STK32B: variants seen among roughly 807,000 people sequenced by gnomAD.
The protein encoded by STK32B is serine/threonine-protein kinase 32B.
In STK32B, 43 loss-of-function variants were observed where a neutral mutation model predicts 52.6. The ratio of observed to expected loss-of-function variants is 0.82; its 90% CI spans 0.64 to 1.05. The LOEUF (loss-of-function observed/expected upper bound fraction) is 1.05. Ranked by LOEUF, STK32B falls within the 50% of genes least tolerant of loss-of-function variation. The probability of loss-of-function intolerance (pLI) is 0.00; values close to 1 mark genes in which losing one functional copy is unlikely to be tolerated. For synonymous variants in STK32B, 238 were observed against 204.3 expected (o/e 1.17, Z -1.41); for missense variants, 621 against 534.6 (o/e 1.16, Z -1.59).
rs1273345485 is a variant in STK32B, at chr4:5,399,546, A to G, written c.472+1302A>G. Among the ~76,000 whole-genome samples the G allele has an allele frequency of 1.3e-5, 2 of 152,170 alleles. No homozygotes were observed. The highest frequency in any genetic ancestry group is 4.8e-5 in the African/African-American group (2 of 41,446). ...ATGGAAGGTCAGCAGCAGCCCCAAG[A>G]TGCCTGGGGCATGGACAGAGCTGAG... On this transcript the variant is annotated intron_variant, in intron 5 of 11. Transcript: ENST00000282908. This position sits in a 1 kb window ranked among gnomAD's most constrained non-coding sequence, Gnocchi z 5.4.
At chr4:5,075,618 G>A (rs1431939673) in intron 1 of STK32B, among the ~76,000 whole-genome samples, 2 of 151,720 alleles carry the variant, frequency 1.3e-5, no homozygotes, top group African/African-American at 4.8e-5. Context: ...TTCAATTTTG[G>A]TGCAGCATTT....
At chr4:5,292,328 T>A (rs1407052889) in intron 3 of STK32B, among the ~76,000 whole-genome samples, 2 of 152,174 alleles carry the variant, frequency 1.3e-5, no homozygotes, top group African/African-American at 4.8e-5. Context: ...CTTTTTATAA[T>A]AGCCATTCTG....
intron 1 of STK32B, among the ~76,000 whole-genome samples, chr4:5,105,809 C>G (rs927402181): frequency 6.6e-6 from 1 of 151,824 alleles, no homozygotes. Flanking sequence ...GTGATCCACC[C>G]GCCTCGGCCA....
chr4:5,314,290 A>G (rs1047865915), intron 3 of STK32B, among the ~76,000 whole-genome samples: 2 of 152,214 alleles, frequency 1.3e-5, no homozygotes, highest in Non-Finnish European at 2.9e-5. Flanking sequence ...AATATCATGA[A>G]GGAAGGATAG....
intron 3 of STK32B, among the ~76,000 whole-genome samples, chr4:5,292,316 G>T (rs1387403580): frequency 6.6e-6 from 1 of 151,950 alleles, no homozygotes. Flanking sequence ...ATTATTTTTT[G>T]ACTTTTTATA....
chr4:5,338,223 A>G (rs1277084371), intron 4 of STK32B, among the ~76,000 whole-genome samples: 1 of 152,182 alleles, frequency 6.6e-6, no homozygotes, highest in East Asian at 1.9e-4. Flanking sequence ...TAACTTTGAT[A>G]CAAATAACAG....
rs570281745 is a variant in STK32B at position 5,059,180 on chromosome 4, G to T, written c.52+7265G>T. ...AGCCTACCAAAGTGCTGAGATTACA[G>T]GAGTGAGCTACTGCTCTTTTGCTGT... On this transcript the variant is annotated intron_variant, in intron 1 of 11. Transcript: ENST00000282908. Among the ~76,000 whole-genome samples the T allele has an allele frequency of 3.4e-5, 5 of 148,448 alleles. No homozygotes were observed. The Admixed American group carries it at 3.4e-4, about 10-fold the overall frequency.
At chr4:5,405,436 A>G (rs529285530) in intron 5 of STK32B, among the ~76,000 whole-genome samples, 2 of 152,316 alleles carry the variant, frequency 1.3e-5, no homozygotes, top group African/African-American at 4.8e-5. Flanking sequence ...TTGTGTCCCC[A>G]CAAAATTCAA....
intron 1 of STK32B, among the ~76,000 whole-genome samples, chr4:5,135,287 C>T (rs1385284094): frequency 6.6e-6 from 1 of 152,186 alleles, no homozygotes; most frequent in African/African-American, 2.4e-5. Flanking sequence ...GGTGTGGAGG[C>T]TGATGCACAG....
intron 3 of STK32B, among the ~76,000 whole-genome samples, chr4:5,329,078 C>T (rs775830143): frequency 1.3e-5 from 2 of 152,194 alleles, no homozygotes; most frequent in Non-Finnish European, 2.9e-5. Flanking sequence ...TGCCTTGAAA[C>T]TGTGACAGGA....
chr4:5,436,884 C>T (rs1714131667), intron 6 of STK32B, among the ~76,000 whole-genome samples: 2 of 152,194 alleles, frequency 1.3e-5, no homozygotes, highest in South Asian at 4.1e-4. Flanking sequence ...GACCCTTCAG[C>T]CCTGCGATGT....
intron 5 of STK32B, among the ~76,000 whole-genome samples, chr4:5,410,864 A>C (rs1176034018): frequency 6.6e-6 from 1 of 152,102 alleles, no homozygotes; most frequent in African/African-American, 2.4e-5. Flanking sequence ...GGGGGCTTGG[A>C]AGTCCAAGAT....
chr4:5,320,246 C>T (rs968864351), intron 3 of STK32B, among the ~76,000 whole-genome samples: 2 of 152,156 alleles, frequency 1.3e-5, no homozygotes, highest in Non-Finnish European at 2.9e-5. Context: ...ATTCCCCCTC[C>T]CATGATAGGG....
At position 5,416,921 on chromosome 4, in the gene STK32B, C is replaced by G; in HGVS notation, c.549C>G (p.Thr183=). ...GAERASSMAG[T]KPYMAPEVFQ... ...AAAGGGCTTCCTCCATGGCTGGCAC[C>G]AAGCCCTACATGGGTGAGTGTTCCA... Residue 183 remains threonine, a synonymous_variant, in exon 6 of 12, where the codon ACC becomes ACG. Transcript: ENST00000282908. 8.1e-6 allele frequency: 13 copies of G among 1,613,074 alleles called. No homozygotes were observed. Among genetic ancestry groups the G allele is most frequent in the Non-Finnish European group, 1.1e-5 (13 of 1,179,536 alleles).
chr4:5,353,510 G>T (rs1230634150), intron 4 of STK32B, among the ~76,000 whole-genome samples: 2 of 150,630 alleles, frequency 1.3e-5, no homozygotes, highest in East Asian at 3.9e-4. Context: ...TCTGACAAAG[G>T]ACTAATATCC....
intron 1 of STK32B, among the ~76,000 whole-genome samples, chr4:5,090,879 A>G (rs371146487): frequency 6.6e-6 from 1 of 152,178 alleles, no homozygotes; most frequent in African/African-American, 2.4e-5. Context: ...TCTATATGAA[A>G]TGGACAAATT....
intron 3 of STK32B, among the ~76,000 whole-genome samples, chr4:5,279,826 C>T (rs541602076): frequency 2.2e-4 from 33 of 152,318 alleles, no homozygotes; most frequent in African/African-American, 7.7e-4. Context: ...TCTGAAGCAA[C>T]AGCCCAAGCT....
intron 11 of STK32B, among the ~76,000 whole-genome samples, chr4:5,474,471 A>G (rs934176367): frequency 1.3e-5 from 2 of 152,220 alleles, no homozygotes; most frequent in Middle Eastern, 3.2e-3. Flanking sequence ...CATTTCTCGT[A>G]TCTCTTCAGC....
intron 1 of STK32B, among the ~76,000 whole-genome samples, chr4:5,083,788 G>A (rs1712565420): frequency 1.3e-5 from 2 of 151,096 alleles, no homozygotes; most frequent in African/African-American, 2.4e-5. Context: ...CCAGGCTGGA[G>A]TGCAGTGGCA....
Sources: allele counts gnomAD v4.1 joint callset (sites outside exome capture counted in the v4.1 genomes callset), GRCh38; gene constraint gnomAD v4.1.1; non-coding constraint Gnocchi (gnomAD v3.1); transcripts MANE v1.5; gene names NCBI Gene and HGNC (gene_info 2026-07-23, HGNC 2026-07-21).